Variants in NDUFA8 observed in about 807,000 individuals in gnomAD.
The protein encoded by NDUFA8 is NADH:ubiquinone oxidoreductase subunit A8.
NDUFA8 carries 16 observed loss-of-function variants against 20.9 expected under a neutral mutation model. That is an observed-to-expected ratio of 0.77 (90% confidence interval 0.52 to 1.16). NDUFA8 has a LOEUF of 1.16. Ranked by LOEUF, NDUFA8 falls within the 50% of genes most tolerant of loss-of-function variation. NDUFA8 has a pLI of 0.00. For synonymous variants in NDUFA8, 70 were observed against 76.1 expected (o/e 0.92, Z 0.41); for missense variants, 202 against 216.4 (o/e 0.93, Z 0.42).
chr9:122,145,153 A>G (rs1376038138), intron 3 of NDUFA8, among the ~76,000 whole-genome samples: 3 of 152,218 alleles, frequency 2.0e-5, no homozygotes, highest in African/African-American at 7.2e-5. Context: ...GTATTAAATG[A>G]TATGCAAAGG....
rs776887444 is a variant in NDUFA8, at chr9:122,148,166, C to T, written c.327G>A (p.Glu109=). 6.2e-7 allele frequency: 1 copy of T among 1,614,206 alleles called. No individual in the cohort carries two copies. Among genetic ancestry groups the T allele is most frequent in the Admixed American group, 1.7e-5 (1 of 60,010 alleles). The change falls in exon 3 of 4, where the codon GAG becomes GAA. Residue 109 remains glutamate (E), a synonymous_variant. Coordinates refer to ENST00000373768, the MANE Select transcript of NDUFA8 (RefSeq NM_014222.3). ...HCRKQQAKFD[E]CVLDKLGWVR... ...CCCAGCCCAGTTTGTCCAGCACACACTCGTCAAACTTTGCCTGCTGTTTGC... is the reference window on the plus strand; with the variant it reads ...CCCAGCCCAGTTTGTCCAGCACACATTCGTCAAACTTTGCCTGCTGTTTGC...
At chr9:122,146,010 A>G (rs567572287) in intron 3 of NDUFA8, among the ~76,000 whole-genome samples, 13 of 152,098 alleles carry the variant, frequency 8.5e-5, no homozygotes, top group Non-Finnish European at 1.3e-4. Context: ...TTAGCTGGCC[A>G]TGGTGGCGGG....
At chr9:122,137,933 C>T in the NDUFA8 span, among the ~76,000 whole-genome samples, 3 of 152,134 alleles carry the variant, frequency 2.0e-5, no homozygotes, top group Admixed American at 6.5e-5. Flanking sequence ...CCTCTTTGCC[C>T]GGCTGCCCAT....
chr9:122,150,365 C>T (rs778542538), intron 2 of NDUFA8, among the ~76,000 whole-genome samples: 1 of 129,568 alleles, frequency 7.7e-6, no homozygotes, highest in Non-Finnish European at 1.5e-5. Flanking sequence ...AAGCCAAGAT[C>T]GTGCTACTGC....
chr9:122,158,665 GTA>G lies in NDUFA8; in HGVS notation c.51+960_51+961del, dbSNP rs566091939. Among the ~76,000 whole-genome samples the G allele has an allele frequency of 2.3e-3, 338 of 146,376 alleles. 5 individuals are homozygous for G. Among genetic ancestry groups the G allele is most frequent in the Middle Eastern group, 0.011 (3 of 278 alleles). ...GCTACGACCAATTGTGTGTGTGTGT[GTA>G]TATATATATATATGACCAATTGTGT... On this transcript the variant is annotated intron_variant, in intron 1 of 3. Transcript: ENST00000373768.
chr9:122,154,165 A>G (rs933780564), intron 1 of NDUFA8, among the ~76,000 whole-genome samples: 1 of 152,244 alleles, frequency 6.6e-6, no homozygotes, highest in Non-Finnish European at 1.5e-5. Context: ...TAAAGATATC[A>G]ATTCTCCCCA....
intron 3 of NDUFA8, among the ~76,000 whole-genome samples, chr9:122,146,291 A>G (rs904883166): frequency 7.2e-5 from 11 of 152,112 alleles, no homozygotes; most frequent in African/African-American, 2.4e-4. Flanking sequence ...AAAAGAGTTA[A>G]GAGAATTTTT....
rs114917138 is a variant in NDUFA8, at chr9:122,159,369, G to A, written c.51+258C>T. On this transcript the variant is annotated intron_variant, in intron 1 of 3. Transcript: ENST00000373768. ...AATAAAATGTATCACTATTATTCACGGAAGGAGAAATAGGTCGCTGTGGAG... is the reference window on the plus strand; with the variant it reads ...AATAAAATGTATCACTATTATTCACAGAAGGAGAAATAGGTCGCTGTGGAG... Among the ~76,000 whole-genome samples, 458 of 152,298 alleles carry A rather than the reference G, an allele frequency of 3.0e-3. 3 individuals are homozygous for A. Among genetic ancestry groups the A allele is most frequent in the African/African-American group, 8.7e-3 (361 of 41,552 alleles).
At chr9:122,158,179 TAA>T (rs888036992) in intron 1 of NDUFA8, among the ~76,000 whole-genome samples, 8 of 152,096 alleles carry the variant, frequency 5.3e-5, no homozygotes, top group African/African-American at 1.9e-4. Flanking sequence ...ACAAAACACT[TAA>T]CATAGTGCCG....
At chr9:122,156,489 A>T (rs1421101430) in intron 1 of NDUFA8, among the ~76,000 whole-genome samples, 1 of 152,218 alleles carries the variant, frequency 6.6e-6, no homozygotes, top group Non-Finnish European at 1.5e-5. Context: ...AATATATATA[A>T]AAATAATAAG....
chr9:122,144,100 A>G lies in NDUFA8; in HGVS notation c.*141T>C. 1 of 1,531,256 alleles carries G rather than the reference A, an allele frequency of 6.5e-7. No individual in the cohort carries two copies. The highest frequency in any genetic ancestry group is 1.2e-5 in the South Asian group (1 of 81,028). 94.9% of individuals were successfully genotyped at this position (1,531,256 alleles called of 1,614,324 possible). On this transcript the variant is annotated 3_prime_UTR_variant, in exon 4 of 4. Transcript: ENST00000373768. ...AATGGACAGGAAATGGTATAGAATA[A>G]CTGCCAAGTCACATAAGTTAACTTT...
chr9:122,148,329 A>T (rs1471840522), intron 2 of NDUFA8, 52 bp from the exon 3 acceptor site: 1 of 1,594,482 alleles, frequency 6.3e-7, no homozygotes, highest in Non-Finnish European at 8.6e-7. Context: ...AATGAAAAAC[A>T]GAAAAGTGAG....
At chr9:122,147,418 T>A (rs550165165) in intron 3 of NDUFA8, among the ~76,000 whole-genome samples, 95 of 150,536 alleles carry the variant, frequency 6.3e-4, no homozygotes, top group African/African-American at 2.2e-3. Context: ...AATGTAGTTT[T>A]AAAAAAAAAA....
chr9:122,158,492 T>G (rs996384896), intron 1 of NDUFA8, among the ~76,000 whole-genome samples: 1 of 152,166 alleles, frequency 6.6e-6, no homozygotes, highest in Non-Finnish European at 1.5e-5. Flanking sequence ...CTAGGCCGTC[T>G]CATTCTTGTG....
intron 3 of NDUFA8, among the ~76,000 whole-genome samples, chr9:122,147,289 G>T (rs1249485985): frequency 6.6e-6 from 1 of 152,096 alleles, no homozygotes; most frequent in Non-Finnish European, 1.5e-5. Context: ...AGTGATGACT[G>T]CATGGAATCA....
At chr9:122,139,705 T>C (rs1256008557), downstream of NDUFA8, among the ~76,000 whole-genome samples, 3 of 152,192 alleles carry the variant, frequency 2.0e-5, no homozygotes, top group Admixed American at 6.5e-5. Context: ...TTTTATTTTT[T>C]CATTTGGAGA....
the NDUFA8 span, among the ~76,000 whole-genome samples, chr9:122,138,874 G>A: frequency 7.8e-3 from 1,088 of 138,876 alleles, 40 homozygotes; most frequent in African/African-American, 0.026. Flanking sequence ...GTGGGGGGGG[G>A]GCCATCTGAG....
chr9:122,141,592 A>G (rs151330083), downstream of NDUFA8, among the ~76,000 whole-genome samples: 109 of 152,336 alleles, frequency 7.2e-4, 1 homozygote, highest in African/African-American at 2.5e-3. Flanking sequence ...GGCTTGGCAG[A>G]GGAAAGGAGT....
intron 2 of NDUFA8, among the ~76,000 whole-genome samples, chr9:122,151,776 C>T (rs1172101051): frequency 1.4e-5 from 2 of 148,104 alleles, no homozygotes; most frequent in African/African-American, 5.1e-5. Flanking sequence ...CCTACAATTA[C>T]ACAGCTTAGT....
Sources: allele counts gnomAD v4.1 joint callset (sites outside exome capture counted in the v4.1 genomes callset), GRCh38; gene constraint gnomAD v4.1.1; transcripts MANE v1.5; gene names NCBI Gene and HGNC (gene_info 2026-07-23, HGNC 2026-07-21).